The following MAP7D1 variants were observed in gnomAD, a reference collection of about 807,000 sequenced individuals.
MAP7D1 encodes the protein MAP7 domain containing 1, also known as MAP7 domain-containing protein 1.
MAP7D1 carries 30 observed loss-of-function variants against 97.5 expected under a neutral mutation model. The ratio of observed to expected loss-of-function variants is 0.31; its 90% confidence interval spans 0.23 to 0.42. MAP7D1 has a LOEUF of 0.42. MAP7D1 is among the 10% of genes least tolerant of loss of function. The pLI is 1.00. For synonymous variants in MAP7D1, 536 were observed against 477.1 expected, an observed-to-expected ratio of 1.12 and a Z score of -1.61; for missense variants, 1,184 against 1,179.5, an observed-to-expected ratio of 1.00 and a Z score of -0.06.
chr1:36,174,609 G>A (rs777913409), intron 5 of MAP7D1, among the ~76,000 whole-genome samples: 1 of 152,148 alleles, frequency 6.6e-6, no homozygotes, highest in Non-Finnish European at 1.5e-5. Context: ...GTACTCAGCC[G>A]TAAGGAATGG....
chr1:36,173,568 G>A (rs775644200), intron 5 of MAP7D1, 90 bp downstream of exon 5: 45 of 925,300 alleles, frequency 4.9e-5, no homozygotes, highest in Admixed American at 3.8e-4. Flanking sequence ...AAAGCTGGTG[G>A]CTCCCTGCAG....
intron 1 of MAP7D1, among the ~76,000 whole-genome samples, chr1:36,167,563 C>T (rs1047701651): frequency 6.6e-6 from 1 of 152,122 alleles, no homozygotes. Context: ...CAGGTGCCAC[C>T]GATGATGTAC....
chr1:36,162,700 A>T (rs552915655), intron 1 of MAP7D1, among the ~76,000 whole-genome samples: 1 of 152,232 alleles, frequency 6.6e-6, no homozygotes, highest in South Asian at 2.1e-4. Context: ...GGCTGGGGAC[A>T]TGCAGGTTCT....
Position 36,156,382 on chromosome 1 carries a change from CGCT to C in MAP7D1, c.-34_-32del. ...GGCCACTGGCCGCCGCCGCCGCCGC[CGCT>C]GAGACCCCGAGACCCCCAGTGACGC... On this transcript the variant is annotated 5_prime_UTR_variant, in exon 1 of 17. The change abolishes the stop of an existing upstream ORF in the 5' untranslated region. Transcript: ENST00000474796. 14 of 1,480,832 alleles carry C rather than the reference CGCT, an allele frequency of 9.5e-6. No individual in the cohort carries two copies. Among genetic ancestry groups the C allele is most frequent in the Non-Finnish European group, 1.2e-5 (13 of 1,122,296 alleles). 91.7% of individuals were successfully genotyped at this position (1,480,832 alleles called of 1,614,324 possible).
rs763155451 is a variant in MAP7D1 at position 36,172,659 on chromosome 1, A to G, written c.624+32A>G. On this transcript the variant is annotated intron_variant, in intron 4 of 16. Transcript: ENST00000474796. Reference sequence around the variant, plus strand: ...GATGGGTCTCCGTGAATCCATGTACACGTGTGCTCACCGTCTGCATACTGG... The same window carrying G: ...GATGGGTCTCCGTGAATCCATGTACGCGTGTGCTCACCGTCTGCATACTGG... The G allele has an allele frequency of 3.3e-6, 5 of 1,512,740 alleles. No individual in the cohort carries two copies. In the South Asian group the frequency reaches 6.3e-5, roughly 19 times the overall value. 93.7% of individuals were successfully genotyped at this position (1,512,740 alleles called of 1,614,324 possible).
At position 36,159,692 on chromosome 1, in the gene MAP7D1, G is replaced by A. The variant is rs1291296133; in HGVS notation, c.46+3229G>A. On this transcript the variant is annotated intron_variant, in intron 1 of 16. Coordinates refer to ENST00000474796, the MANE Select transcript of MAP7D1 (RefSeq NM_001388490.1). The surrounding 1 kb of genome is among the most constrained non-coding windows in gnomAD (Gnocchi z 5.4). ...GGGAGCTCTTAACGCGGCGAGGAAGGCAGATGTGTTCACTGCAGGGAAACC... is the reference window on the plus strand; with the variant it reads ...GGGAGCTCTTAACGCGGCGAGGAAGACAGATGTGTTCACTGCAGGGAAACC... Among the ~76,000 whole-genome samples, 2 of 152,222 alleles carry A rather than the reference G, an allele frequency of 1.3e-5. No homozygotes were observed. The highest frequency in any genetic ancestry group is 2.9e-5 in the Non-Finnish European group (2 of 68,044).
At position 36,156,454 on chromosome 1, in the gene MAP7D1, G is replaced by A; in HGVS notation, c.37G>A (p.Ala13Thr). 1 of 1,469,684 alleles carries A rather than the reference G, an allele frequency of 6.8e-7. No individual in the cohort carries two copies. Among genetic ancestry groups the A allele is most frequent in the Middle Eastern group, 1.9e-4 (1 of 5,164 alleles). The allele number at this position is 1,469,684 out of a possible 1,614,324, so 91.0% of individuals were successfully genotyped here. A position where few individuals can be genotyped will look rare whatever the true frequency, so the allele number is the denominator to read the frequency against. ...SGPRAELGAGAPPAVVARTPP... is the reference protein window; with the variant it reads ...SGPRAELGAGTPPAVVARTPP... ...CCCGCGTGCGGAGCTGGGGGCGGGCGCACCCCCAGGTATGCCGGGAGCCAC... is the reference window on the plus strand; with the variant it reads ...CCCGCGTGCGGAGCTGGGGGCGGGCACACCCCCAGGTATGCCGGGAGCCAC... The change falls in exon 1 of 17, where the codon GCA (alanine) becomes ACA (threonine). Residue 13 changes from alanine to threonine, a missense_variant. Ala to Thr is a moderately conservative substitution (Grantham distance 58). Transcript: ENST00000474796.
At position 36,176,688 on chromosome 1, in the gene MAP7D1, C is replaced by T. The variant is rs777032257; in HGVS notation, c.1234-9C>T. 6.2e-7 allele frequency: 1 copy of T among 1,605,892 alleles called. No homozygotes were observed. The highest frequency in any genetic ancestry group is 1.1e-5 in the South Asian group (1 of 89,236). ...CTACTCTCCTCTTCCGTTCCTCCTT[C>T]CCTGCCAGGTGCAGAAAAAGGAGAA... On this transcript the variant is annotated splice_polypyrimidine_tract_variant and intron_variant, in intron 7 of 16. Coordinates refer to ENST00000474796, the MANE Select transcript of MAP7D1 (RefSeq NM_001388490.1). The surrounding 1 kb of genome is among the most constrained non-coding windows in gnomAD (Gnocchi z 6.1).
At position 36,173,477 on chromosome 1, in the gene MAP7D1, C is replaced by T; in HGVS notation, c.738C>T (p.Thr246=). Reference sequence around the variant, plus strand: ...ACCACAGCTCTCCAGGACATAAGACCAGTGAGTAGGCTGGAGGGGCTGGGG... The same window carrying T: ...ACCACAGCTCTCCAGGACATAAGACTAGTGAGTAGGCTGGAGGGGCTGGGG... The part of the protein sequence containing the change: ...ALHHSSPGHK[T]SGSRCSVSAV... Residue 246 remains threonine (T), a splice_region_variant and synonymous_variant, in exon 5 of 17, where the codon ACC becomes ACT. Coordinates refer to ENST00000474796, the MANE Select transcript of MAP7D1 (RefSeq NM_001388490.1). 2 of 1,606,804 alleles carry T rather than the reference C, an allele frequency of 1.2e-6. No homozygotes were observed. Among genetic ancestry groups the T allele is most frequent in the Non-Finnish European group, 1.7e-6 (2 of 1,176,384 alleles).
Position 36,179,668 on chromosome 1 carries a change from C to G in MAP7D1, c.2230C>G (p.Pro744Ala). 6.5e-7 allele frequency: 1 copy of G among 1,529,172 alleles called. No homozygotes were observed. The highest frequency in any genetic ancestry group is 8.8e-7 in the Non-Finnish European group (1 of 1,135,368). The allele number at this position is 1,529,172 out of a possible 1,614,324, so 94.7% of individuals were successfully genotyped here. ...TGGCCCCTCTTTCCCTGTGACAGAGCCTGTGAAAGCTGTGGAGGCTCGGTC... is the reference window on the plus strand; with the variant it reads ...TGGCCCCTCTTTCCCTGTGACAGAGGCTGTGAAAGCTGTGGAGGCTCGGTC... ...EANANGSSPE[P>A]VKAVEARSPG... The change falls in exon 15 of 17, where the codon CCT becomes GCT. Residue 744 changes from proline to alanine, a missense_variant and splice_region_variant. Coordinates refer to ENST00000474796, the MANE Select transcript of MAP7D1 (RefSeq NM_001388490.1).
rs762747414 is a variant in MAP7D1, at chr1:36,180,057, G to T, written c.2502G>T (p.Pro834=). ...AFLKKAVVQS[P]QVTEVL ...TCAAGAAAGCTGTGGTGCAGTCCCC[G>T]CAGGTCACAGGTAGATCTCCTGATT... Residue 834 remains proline, a synonymous_variant, in exon 16 of 17, where the codon CCG becomes CCT. Coordinates refer to ENST00000474796, the MANE Select transcript of MAP7D1 (RefSeq NM_001388490.1). 6 of 1,613,576 alleles carry T rather than the reference G, an allele frequency of 3.7e-6. No homozygotes were observed. Among genetic ancestry groups the T allele is most frequent in the Non-Finnish European group, 4.2e-6 (5 of 1,179,788 alleles).
rs1644445837 is a variant in MAP7D1 at position 36,164,041 on chromosome 1, C to T, written c.47-6930C>T. On this transcript the variant is annotated intron_variant, in intron 1 of 16. Coordinates refer to ENST00000474796, the MANE Select transcript of MAP7D1 (RefSeq NM_001388490.1). ...GGTTTTGCCATTTGCCCAGGCTGCT[C>T]CCGAACTCCTGGGCTCAAACGATCT... is the stretch of plus-strand genomic sequence containing the variant. Among the ~76,000 whole-genome samples, 2 of 151,910 alleles carry T rather than the reference C, an allele frequency of 1.3e-5. 1 individual carries two copies. The highest frequency in any genetic ancestry group is 4.2e-4 in the South Asian group (2 of 4,818).
At chr1:36,179,600 TC>T (rs1176977007) in intron 14 of MAP7D1, 43 bp downstream of exon 14, 1 of 1,552,860 alleles carries the variant, frequency 6.4e-7, no homozygotes, top group African/African-American at 1.4e-5. Context: ...TTTGCCATCC[TC>T]CTCCTCCTCC....
At chr1:36,174,873 A>G in intron 5 of MAP7D1, 25 bp from the exon 6 acceptor site, 1 of 1,487,620 alleles carries the variant, frequency 6.7e-7, no homozygotes, top group Middle Eastern at 1.7e-4. Context: ...GCCCGGCCCT[A>G]ATGCCGTGTC....
At chr1:36,173,314 C>T (rs1402684390) in intron 4 of MAP7D1, 50 bp from the exon 5 acceptor site, 7 of 1,430,002 alleles carry the variant, frequency 4.9e-6, no homozygotes, top group Admixed American at 1.8e-5. Context: ...ATCCCAAATT[C>T]GATGAATGTT....
intron 1 of MAP7D1, among the ~76,000 whole-genome samples, chr1:36,169,001 C>T (rs1644506894): frequency 6.6e-6 from 1 of 152,092 alleles, no homozygotes; most frequent in Non-Finnish European, 1.5e-5. Flanking sequence ...CCTGTAATCC[C>T]AGCACTTTGG....
At chr1:36,174,472 G>A (rs1038387266) in intron 5 of MAP7D1, among the ~76,000 whole-genome samples, 6 of 152,188 alleles carry the variant, frequency 3.9e-5, no homozygotes, top group Non-Finnish European at 5.9e-5. Context: ...GCAAGTGACT[G>A]TGACTGTGTA....
At position 36,178,756 on chromosome 1, in the gene MAP7D1, G is replaced by C; in HGVS notation, c.1958G>C (p.Arg653Pro). ...GAGCGGGAGGCGGAGGCCCGGAGGC[G>C]GGAGGAGCAGGAGGCACGAGAGAAG... ...RAEREAEARR[R>P]EEQEAREKAQ... is the part of the protein sequence containing the mutation. Residue 653 changes from arginine (R) to proline (P), a missense_variant, in exon 11 of 17, where the codon CGG (arginine) becomes CCG (proline). Physicochemically the swap from Arg to Pro is moderately radical, Grantham distance 103. Coordinates refer to ENST00000474796, the MANE Select transcript of MAP7D1 (RefSeq NM_001388490.1). 3 of 1,546,036 alleles carry C rather than the reference G, an allele frequency of 1.9e-6. No homozygotes were observed. The highest frequency in any genetic ancestry group is 2.6e-6 in the Non-Finnish European group (3 of 1,145,430).
At chr1:36,164,652 G>C (rs1169890762) in intron 1 of MAP7D1, among the ~76,000 whole-genome samples, 3 of 152,138 alleles carry the variant, frequency 2.0e-5, no homozygotes, top group East Asian at 1.9e-4. Context: ...CAAGAAGTAG[G>C]GGGAGGGAGT....
Sources: gnomAD v4.1 joint callset for allele counts (sites outside exome capture counted in the v4.1 genomes callset) on GRCh38, gnomAD v4.1.1 for gene constraint, Gnocchi (gnomAD v3.1) non-coding constraint, MANE v1.5 for transcripts, NCBI Gene and HGNC (gene_info 2026-07-23, HGNC 2026-07-21) for gene names.